Variants in PCDHGA1 observed in about 807,000 individuals in gnomAD.
The protein encoded by PCDHGA1 is protocadherin gamma subfamily A, 1.
PCDHGA1 carries 32 observed loss-of-function variants against 58.0 expected under a neutral mutation model. The observed-to-expected ratio is 0.55, with a 90% CI of 0.42 to 0.74. The LOEUF (loss-of-function observed/expected upper bound fraction) is 0.74, where lower values mean the gene tolerates loss of function less well. Ranked by LOEUF, PCDHGA1 falls within the 30% of genes least tolerant of loss-of-function variation. PCDHGA1 has a pLI of 0.00. For synonymous variants in PCDHGA1, 498 were observed against 501.1 expected (o/e 0.99, Z 0.08); for missense variants, 1,205 against 1,182.3 (o/e 1.02, Z -0.28).
chr5:141,384,221 A>C, intron 1 of PCDHGA1: 1 of 1,613,936 alleles, frequency 6.2e-7, no homozygotes, highest in Non-Finnish European at 8.5e-7. Flanking sequence ...ATATTCATGC[A>C]GGTGGCAGAC....
At chr5:141,460,616 TAGAC>T (rs533223594) in intron 1 of PCDHGA1, among the ~76,000 whole-genome samples, 44 of 152,232 alleles carry the variant, frequency 2.9e-4, no homozygotes, top group Middle Eastern at 3.4e-3. Context: ...GATGGATAGA[TAGAC>T]AGATACAGAT....
chr5:141,404,656 C>A, intron 1 of PCDHGA1: 1 of 1,614,176 alleles, frequency 6.2e-7, no homozygotes, highest in Non-Finnish European at 8.5e-7. Context: ...CTGCCCTCCC[C>A]ACTGATGGTT....
chr5:141,422,296 A>C, intron 1 of PCDHGA1: 1 of 1,550,706 alleles, frequency 6.4e-7, no homozygotes, highest in South Asian at 1.3e-5. Context: ...TATTAATTCA[A>C]TTCTGGAAAA....
intron 1 of PCDHGA1, chr5:141,376,159 C>A: frequency 1.9e-6 from 3 of 1,614,084 alleles, no homozygotes; most frequent in Non-Finnish European, 2.5e-6. Context: ...TCACTCTGTA[C>A]CTGGTGGTGG....
At position 141,365,281 on chromosome 5, in the gene PCDHGA1, G is replaced by T. The variant is rs752099096; in HGVS notation, c.2421+32176G>T. The stretch of plus-strand genomic sequence containing the variant: ...ATGAAGAATCCAGATTCTACCTCAT[G>T]GAAGTGGTAGCTCAGGATGGAGGCG... On this transcript the variant is annotated intron_variant, in intron 1 of 3. Coordinates refer to ENST00000517417, the MANE Select transcript of PCDHGA1 (RefSeq NM_018912.3). 5 of 1,614,000 alleles carry T rather than the reference G, an allele frequency of 3.1e-6. No homozygotes were observed. The Admixed American group carries it at 8.3e-5, about 27-fold the overall frequency.
chr5:141,339,611 G>C (rs915044310), intron 1 of PCDHGA1: 2 of 1,614,076 alleles, frequency 1.2e-6, no homozygotes, highest in African/African-American at 2.7e-5. Flanking sequence ...CGTTCTCGTG[G>C]CTTCTGATGG....
At chr5:141,375,105 A>G (rs371346343) in intron 1 of PCDHGA1, 56 of 1,613,840 alleles carry the variant, frequency 3.5e-5, no homozygotes, top group East Asian at 3.1e-4. Context: ...TTGGATGTCA[A>G]TGATAATGTA....
chr5:141,395,114 C>T (rs2093175908), intron 1 of PCDHGA1: 2 of 1,614,070 alleles, frequency 1.2e-6, no homozygotes, highest in African/African-American at 1.3e-5. Context: ...GGAAGAGTCA[C>T]CTGATCTTTC....
chr5:141,378,459 G>T (rs1022046466), intron 1 of PCDHGA1: 5 of 152,250 alleles, frequency 3.3e-5, no homozygotes, highest in Admixed American at 6.5e-5. Context: ...TGAGGCAGAG[G>T]TTGCAGTGAG....
chr5:141,491,312 C>T lies in PCDHGA1; in HGVS notation c.2422-3495C>T, dbSNP rs749198887. The stretch of plus-strand genomic sequence containing the variant: ...CACCCTCCTGAGCGTTCAGACCTTA[C>T]CCTTTACCTCATTGTGGCTCTAGCG... On this transcript the variant is annotated intron_variant, in intron 1 of 3. Transcript: ENST00000517417. The surrounding 1 kb of genome is among the most constrained non-coding windows in gnomAD (Gnocchi z 6.9). 3 of 1,614,170 alleles carry T rather than the reference C, an allele frequency of 1.9e-6. No individual in the cohort carries two copies. Among genetic ancestry groups the T allele is most frequent in the East Asian group, 4.5e-5 (2 of 44,878 alleles).
At chr5:141,428,049 G>A (rs770637382) in intron 1 of PCDHGA1, 16 of 1,608,954 alleles carry the variant, frequency 9.9e-6, no homozygotes, top group Non-Finnish European at 1.4e-5. Flanking sequence ...GGTGACCAAG[G>A]TGGTGGCGGT....
rs764056952 is a variant in PCDHGA1 at position 141,405,326 on chromosome 5, T to G, written c.2421+72221T>G. On this transcript the variant is annotated intron_variant, in intron 1 of 3. Transcript: ENST00000517417. ...GAGCTGTGAGAAAAATGAGCCTTTG[T>G]GCGTCTCTGTTGATTCCAAGTTTCC... The G allele has an allele frequency of 2.5e-6, 4 of 1,614,220 alleles. No individual in the cohort carries two copies. Among genetic ancestry groups the G allele is most frequent in the Admixed American group, 3.3e-5 (2 of 60,026 alleles).
In PCDHGA1 at chr5:141,366,650, A is replaced by G. The variant is rs879057621; in HGVS notation, c.2421+33545A>G. 6.2e-7 allele frequency: 1 copy of G among 1,614,262 alleles called. No homozygotes were observed. Among genetic ancestry groups the G allele is most frequent in the South Asian group, 1.1e-5 (1 of 91,092 alleles). The stretch of plus-strand genomic sequence containing the variant: ...GAGTCACCTGATCTTTCCCCAGCCC[A>G]ACTACGCAGACACGCTCCTTAGTGA... On this transcript the variant is annotated intron_variant, in intron 1 of 3. Transcript: ENST00000517417.
At chr5:141,341,707 A>G in intron 1 of PCDHGA1, 2 of 494,806 alleles carry the variant, frequency 4.0e-6, no homozygotes, top group South Asian at 3.5e-5. Flanking sequence ...AAATCATCTC[A>G]TCCACCCAGA....
intron 1 of PCDHGA1, chr5:141,413,963 C>T (rs1368202031): frequency 6.8e-6 from 11 of 1,613,446 alleles, no homozygotes; most frequent in Non-Finnish European, 9.3e-6. Context: ...CCTGTGGGCA[C>T]TCAGCTGCTG....
Position 141,489,555 on chromosome 5 carries a change from A to G in PCDHGA1, c.2422-5252A>G, listed in dbSNP as rs909307566. ...GAGCCAGCACCAGCTGCCTGCTGCC[A>G]GTGCAGGTGGTGACTGAACACCCCC... is the stretch of plus-strand genomic sequence containing the variant. On this transcript the variant is annotated intron_variant, in intron 1 of 3. Transcript: ENST00000517417. The surrounding 1 kb of genome is among the most constrained non-coding windows in gnomAD (Gnocchi z 4.5). 2.5e-6 allele frequency: 4 copies of G among 1,613,998 alleles called. No homozygotes were observed. The African/African-American group carries it at 5.3e-5, about 22-fold the overall frequency.
intron 1 of PCDHGA1, chr5:141,356,549 C>G (rs1174106080): frequency 6.2e-7 from 1 of 1,614,120 alleles, no homozygotes; most frequent in Non-Finnish European, 8.5e-7. Flanking sequence ...GACAACCCAC[C>G]CACTTTCCCT....
At chr5:141,382,772 C>G (rs1778420393) in intron 1 of PCDHGA1, 1 of 776,996 alleles carries the variant, frequency 1.3e-6, no homozygotes, top group Non-Finnish European at 2.0e-6. Context: ...CCAGGCTGCA[C>G]TAAACTCAAG....
chr5:141,471,846 T>C (rs2099265433), intron 1 of PCDHGA1, among the ~76,000 whole-genome samples: 1 of 152,180 alleles, frequency 6.6e-6, no homozygotes. Context: ...AATAAAATAT[T>C]CAGAAAAAGC....
Sources: allele counts gnomAD v4.1 joint callset (sites outside exome capture counted in the v4.1 genomes callset), GRCh38; gene constraint gnomAD v4.1.1; non-coding constraint Gnocchi (gnomAD v3.1); transcripts MANE v1.5; gene names NCBI Gene and HGNC (gene_info 2026-07-23, HGNC 2026-07-21).